TEX2: variants seen among roughly 807,000 people sequenced by gnomAD.
TEX2 encodes testis-expressed protein 2.
In TEX2, 53 loss-of-function variants were observed where a neutral mutation model predicts 106.9. The ratio of observed to expected loss-of-function variants is 0.50; its 90% CI spans 0.40 to 0.62. The LOEUF (loss-of-function observed/expected upper bound fraction) is 0.62, where lower values mean the gene tolerates loss of function less well. TEX2 is among the 20% of genes least tolerant of loss of function. The probability of loss-of-function intolerance (pLI) is 0.00; values close to 1 mark genes in which losing one functional copy is unlikely to be tolerated. For missense variants in TEX2, 1,207 were observed against 1,379.0 expected (o/e 0.88, Z 1.98); for synonymous variants, 523 against 534.8 (o/e 0.98, Z 0.30).
chr17:64,182,545 T>C (rs1352098206), intron 5 of TEX2, among the ~76,000 whole-genome samples: 3 of 152,164 alleles, frequency 2.0e-5, no homozygotes, highest in African/African-American at 7.2e-5. Context: ...TGTGTAGCTA[T>C]CACCACAGTC....
rs775120415 is a variant in TEX2, at chr17:64,195,100, T to G, written c.1645-5A>C. The G allele has an allele frequency of 6.2e-7, 1 of 1,613,790 alleles. No individual in the cohort carries two copies. The highest frequency in any genetic ancestry group is 2.2e-5 in the East Asian group (1 of 44,866). The stretch of plus-strand genomic sequence containing the variant: ...GTAAATCTCATTCATCCATCCCTGA[T>G]GAAGAAAAACTTCCATTAGTAATAT... On this transcript the variant is annotated splice_region_variant and splice_polypyrimidine_tract_variant and intron_variant, in intron 2 of 11. Transcript: ENST00000584379. The surrounding 1 kb of genome is among the most constrained non-coding windows in gnomAD (Gnocchi z 4.1).
rs1459306469 is a variant in TEX2 at position 64,186,457 on chromosome 17, G to A, written c.2424+1711C>T. 2.6e-5 allele frequency among the ~76,000 whole-genome samples: 4 copies of A among 152,192 alleles called. No homozygotes were observed. The East Asian group carries it at 7.7e-4, about 29-fold the overall frequency. ...TGAGTGACCTCTTCCACACTGAAGA[G>A]GATCAACGGATCAAGAGCAATGGCT... On this transcript the variant is annotated intron_variant, in intron 5 of 11. Coordinates refer to ENST00000584379, the MANE Select transcript of TEX2 (RefSeq NM_001288732.2).
intron 2 of TEX2, 101 bp downstream of exon 2, chr17:64,212,473 G>C: frequency 8.8e-7 from 1 of 1,134,688 alleles, no homozygotes; most frequent in Non-Finnish European, 1.3e-6. Flanking sequence ...AACACGGCCT[G>C]TGCAAAAATC....
chr17:64,170,046 G>A (rs1246531938), intron 7 of TEX2, among the ~76,000 whole-genome samples: 4 of 151,906 alleles, frequency 2.6e-5, no homozygotes, highest in African/African-American at 4.8e-5. Context: ...TTTTAAAACC[G>A]TATTTATGGT....
Position 64,165,515 on chromosome 17 carries a change from G to A in TEX2, c.2672-4582C>T, listed in dbSNP as rs117679995. Among the ~76,000 whole-genome samples the A allele has an allele frequency of 3.9e-5, 6 of 152,294 alleles. No individual in the cohort carries two copies. In the East Asian group the frequency reaches 9.6e-4, roughly 24 times the overall value. ...TCAGAGCCACTCCTATCAGCCCCAC[G>A]TGCTAGAGTATGGCCCTGCCTTGGT... is the stretch of plus-strand genomic sequence containing the variant. On this transcript the variant is annotated intron_variant, in intron 7 of 11. Coordinates refer to ENST00000584379, the MANE Select transcript of TEX2 (RefSeq NM_001288732.2).
chr17:64,203,936 A>G (rs2032751025), intron 2 of TEX2, among the ~76,000 whole-genome samples: 1 of 152,234 alleles, frequency 6.6e-6, no homozygotes, highest in Admixed American at 6.5e-5. Flanking sequence ...AGGTGGCCAT[A>G]GAACATTTTT....
chr17:64,159,277 C>T (rs1567908037), intron 8 of TEX2, among the ~76,000 whole-genome samples: 1 of 152,180 alleles, frequency 6.6e-6, no homozygotes, highest in Non-Finnish European at 1.5e-5. Flanking sequence ...ACGCATCTGC[C>T]TGAGGTTGCT....
intron 2 of TEX2, among the ~76,000 whole-genome samples, chr17:64,199,382 G>A (rs1026657718): frequency 3.9e-5 from 6 of 152,116 alleles, no homozygotes; most frequent in African/African-American, 1.2e-4. Context: ...GATTACAGGT[G>A]TGTGCCACCA....
chr17:64,151,066 A>G (rs2143585989), intron 10 of TEX2, 105 bp from the exon 11 acceptor site: 1 of 1,299,726 alleles, frequency 7.7e-7, no homozygotes, highest in South Asian at 1.4e-5. Flanking sequence ...CACTACTTAA[A>G]ATGTTATTTT....
Position 64,223,983 on chromosome 17 carries a change from T to G in TEX2, c.-25-9741A>C, listed in dbSNP as rs141956667. 2.6e-3 allele frequency among the ~76,000 whole-genome samples: 389 copies of G among 152,316 alleles called. 1 individual carries two copies. The highest frequency in any genetic ancestry group is 9.1e-3 in the African/African-American group (379 of 41,572). On this transcript the variant is annotated intron_variant, in intron 1 of 11. Coordinates refer to ENST00000584379, the MANE Select transcript of TEX2 (RefSeq NM_001288732.2). ...GGGGCAAGCCTGGTGTCGAGTGTGC[T>G]TCCTTTCTCGGGACCATCCCTAATC...
chr17:64,188,660 CAA>C (rs1258350942), intron 4 of TEX2, among the ~76,000 whole-genome samples: 1 of 151,742 alleles, frequency 6.6e-6, no homozygotes, highest in Non-Finnish European at 1.5e-5. Flanking sequence ...ACTAAAAATA[CAA>C]AAAATTAGCC....
At chr17:64,249,612 A>C (rs191078429) in intron 1 of TEX2, among the ~76,000 whole-genome samples, 1 of 152,294 alleles carries the variant, frequency 6.6e-6, no homozygotes, top group Non-Finnish European at 1.5e-5. Flanking sequence ...GGATCTCTTA[A>C]CCATCCACCC....
At position 64,156,456 on chromosome 17, in the gene TEX2, C is replaced by T. The variant is rs533695653; in HGVS notation, c.2805-1489G>A. On this transcript the variant is annotated intron_variant, in intron 8 of 11. Coordinates refer to ENST00000584379, the MANE Select transcript of TEX2 (RefSeq NM_001288732.2). ...TGGGACAGCACGTAACTGAGTCTTC[C>T]TCCTTCCACCAGAGGCCTGGCTGGT... Among the ~76,000 whole-genome samples the T allele has an allele frequency of 1.3e-5, 2 of 152,340 alleles. 1 individual carries two copies. Among genetic ancestry groups the T allele is most frequent in the South Asian group, 4.1e-4 (2 of 4,828 alleles).
intron 3 of TEX2, 148 bp downstream of exon 3, chr17:64,194,747 C>A (rs2032408499): frequency 1.4e-6 from 1 of 697,504 alleles, no homozygotes; most frequent in Middle Eastern, 3.4e-4. Context: ...TGTGCATAAA[C>A]TTTAAAGTGT....
chr17:64,164,839 C>T (rs950804912), intron 7 of TEX2, among the ~76,000 whole-genome samples: 5 of 152,246 alleles, frequency 3.3e-5, no homozygotes, highest in Non-Finnish European at 5.9e-5. Context: ...CTTCTGCCTT[C>T]GGCCTGGTTT....
chr17:64,166,841 C>G (rs1045535993), intron 7 of TEX2, among the ~76,000 whole-genome samples: 5 of 151,982 alleles, frequency 3.3e-5, no homozygotes, highest in African/African-American at 1.2e-4. Flanking sequence ...AGTGGCAGGC[C>G]CTGGAGGTGG....
At chr17:64,212,496 C>T in intron 2 of TEX2, 78 bp downstream of exon 2, 1 of 1,379,034 alleles carries the variant, frequency 7.3e-7, no homozygotes, top group Non-Finnish European at 9.9e-7. Context: ...TAACAGCTAA[C>T]CAAAAAACAA....
At chr17:64,260,705 A>G (rs1003155690) in intron 1 of TEX2, among the ~76,000 whole-genome samples, 2 of 152,180 alleles carry the variant, frequency 1.3e-5, no homozygotes, top group Non-Finnish European at 2.9e-5. Flanking sequence ...TCTTTTCTAT[A>G]CTAGTCTTCT....
intron 10 of TEX2, among the ~76,000 whole-genome samples, chr17:64,151,233 A>G: frequency 6.6e-6 from 1 of 152,194 alleles, no homozygotes; most frequent in South Asian, 2.1e-4. Flanking sequence ...TGACCTGGGC[A>G]TTGGTTTCTG....
Sources: allele counts gnomAD v4.1 joint callset (sites outside exome capture counted in the v4.1 genomes callset), GRCh38; gene constraint gnomAD v4.1.1; non-coding constraint Gnocchi (gnomAD v3.1); transcripts MANE v1.5; gene names NCBI Gene and HGNC (gene_info 2026-07-23, HGNC 2026-07-21).